Variants in RASSF5 observed in about 807,000 individuals in gnomAD.
RASSF5 encodes the protein Ras association domain family member 5.
Under a neutral mutation model 40.5 loss-of-function variants are expected in RASSF5, and 25 were observed. The ratio of observed to expected loss-of-function variants is 0.62; its 90% CI spans 0.45 to 0.86. The LOEUF is 0.86. Ranked by LOEUF, RASSF5 falls within the 40% of genes least tolerant of loss-of-function variation. RASSF5 has a pLI of 0.00. For missense variants in RASSF5, 521 were observed against 572.8 expected (o/e 0.91, Z 0.92); for synonymous variants, 246 against 252.4 (o/e 0.97, Z 0.24).
intron 1 of RASSF5, among the ~76,000 whole-genome samples, chr1:206,509,681 G>A (rs1553394359): frequency 6.6e-6 from 1 of 152,034 alleles, no homozygotes; most frequent in African/African-American, 2.4e-5. Flanking sequence ...GACTTTGGGG[G>A]ACTGTATCAC....
At chr1:206,517,450 T>C (rs11583254) in intron 1 of RASSF5, among the ~76,000 whole-genome samples, 79,323 of 151,892 alleles carry the variant, frequency 0.52, 20,833 homozygotes, top group South Asian at 0.67. Context: ...CCAACCTGGA[T>C]GACAGAGCAA....
chr1:206,557,951 G>C (rs528312102), intron 2 of RASSF5, among the ~76,000 whole-genome samples: 110 of 152,344 alleles, frequency 7.2e-4, no homozygotes, highest in Non-Finnish European at 9.4e-4. Context: ...GCTGCCCCTG[G>C]CTGGTAGATT....
At chr1:206,518,310 T>A in intron 1 of RASSF5, 1 of 392,296 alleles carries the variant, frequency 2.5e-6, no homozygotes, top group Non-Finnish European at 4.5e-6. Flanking sequence ...CCCAGGGCCC[T>A]CCCCGGAGCC....
intron 2 of RASSF5, among the ~76,000 whole-genome samples, chr1:206,546,173 A>G (rs1382510084): frequency 3.9e-5 from 5 of 128,520 alleles, no homozygotes; most frequent in Non-Finnish European, 7.7e-5. Context: ...CAGTGACACA[A>G]TCATGGCTCA....
At chr1:206,545,952 GA>G (rs1667672548) in intron 2 of RASSF5, among the ~76,000 whole-genome samples, 1 of 141,104 alleles carries the variant, frequency 7.1e-6, no homozygotes, top group African/African-American at 2.6e-5. Context: ...GATATAGCTA[GA>G]TTTTTTTTTT....
chr1:206,554,217 A>C (rs1667922298), intron 2 of RASSF5, among the ~76,000 whole-genome samples: 1 of 152,174 alleles, frequency 6.6e-6, no homozygotes, highest in Non-Finnish European at 1.5e-5. Context: ...GCTACCCTTC[A>C]ACTGGATAGT....
rs572932619 is a variant in RASSF5, at chr1:206,552,339, A to G, written c.579+14046A>G. ...CTGGTTAAGGATGCTTCTCAGAGTC[A>G]GATGGAAGGTGTGGGAGGTATGGAT... On this transcript the variant is annotated intron_variant, in intron 2 of 5. Transcript: ENST00000579436. This position sits in a 1 kb window ranked among gnomAD's most constrained non-coding sequence, Gnocchi z 4.1. Among the ~76,000 whole-genome samples the G allele has an allele frequency of 1.3e-5, 2 of 152,352 alleles. No homozygotes were observed. Among genetic ancestry groups the G allele is most frequent in the African/African-American group, 4.8e-5 (2 of 41,586 alleles).
At chr1:206,561,023 G>A (rs782249272) in intron 2 of RASSF5, among the ~76,000 whole-genome samples, 1 of 152,182 alleles carries the variant, frequency 6.6e-6, no homozygotes, top group East Asian at 1.9e-4. Flanking sequence ...GGCCATTTAA[G>A]GCTTTGACAT....
At chr1:206,546,014 G>T (rs1162303660) in intron 2 of RASSF5, among the ~76,000 whole-genome samples, 1 of 143,432 alleles carries the variant, frequency 7.0e-6, no homozygotes. Flanking sequence ...GCAGTGGCGC[G>T]ATCTCGGCTC....
intron 1 of RASSF5, among the ~76,000 whole-genome samples, chr1:206,534,164 C>T (rs1278287635): frequency 1.2e-4 from 19 of 152,192 alleles, no homozygotes; most frequent in African/African-American, 4.6e-4. Flanking sequence ...CTTGGCCCTC[C>T]ATCCCAGCTC....
At chr1:206,534,861 G>C (rs962333823) in intron 1 of RASSF5, among the ~76,000 whole-genome samples, 10 of 152,168 alleles carry the variant, frequency 6.6e-5, no homozygotes, top group Non-Finnish European at 1.5e-4. Flanking sequence ...AGCTGCCCAG[G>C]GAGGGCTGAA....
intron 2 of RASSF5, among the ~76,000 whole-genome samples, chr1:206,549,438 C>A (rs142221397): frequency 2.6e-5 from 4 of 152,296 alleles, no homozygotes; most frequent in African/African-American, 9.6e-5. Flanking sequence ...CTGCCTGAGA[C>A]ACCAGAATTA....
Position 206,507,828 on chromosome 1 carries a change from G to C in RASSF5, c.226G>C (p.Ala76Pro). ...ARGNLEPPPRASRPARPLRPG... is the reference protein window; with the variant it reads ...ARGNLEPPPRPSRPARPLRPG... ...GGGGAACCTGGAGCCCCCGCCCCGG[G>C]CCTCCCGACCCGCTCGCCCGCTCCG... Residue 76 changes from alanine to proline, a missense_variant, in exon 1 of 6, where the codon GCC becomes CCC. Physicochemically the swap from Ala to Pro is conservative, Grantham distance 27 (BLOSUM62 -1). Coordinates refer to ENST00000579436, the MANE Select transcript of RASSF5 (RefSeq NM_182663.4). 1.4e-6 allele frequency: 2 copies of C among 1,422,966 alleles called. No individual in the cohort carries two copies. Among genetic ancestry groups the C allele is most frequent in the Non-Finnish European group, 1.8e-6 (2 of 1,095,692 alleles). 88.1% of individuals were successfully genotyped at this position (1,422,966 alleles called of 1,614,324 possible). A position where few individuals can be genotyped will look rare whatever the true frequency, so the allele number is the denominator to read the frequency against.
In RASSF5 at chr1:206,579,480, C is replaced by T. The variant is rs1287488760; in HGVS notation, c.580-3789C>T. Among the ~76,000 whole-genome samples, 1 of 152,118 alleles carries T rather than the reference C, an allele frequency of 6.6e-6. No homozygotes were observed. Among genetic ancestry groups the T allele is most frequent in the Non-Finnish European group, 1.5e-5 (1 of 68,018 alleles). ...TATCCTCTGAAGATTGCTATAGTAT[C>T]GATCTCGCTCTCATGGCAGATAGTG... On this transcript the variant is annotated intron_variant, in intron 2 of 5. Transcript: ENST00000579436. This position sits in a 1 kb window ranked among gnomAD's most constrained non-coding sequence, Gnocchi z 4.2.
chr1:206,584,976 G>A lies in RASSF5; in HGVS notation c.989-204G>A. ...TAATCTTTCAGGAGATGATGTGAAT[G>A]GAATCATGCTTTAAACTCTGAGCAG... On this transcript the variant is annotated intron_variant, in intron 4 of 5. Transcript: ENST00000579436. The surrounding 1 kb of genome is among the most constrained non-coding windows in gnomAD (Gnocchi z 4.9). 1.6e-6 allele frequency: 1 copy of A among 608,568 alleles called. No individual in the cohort carries two copies. The highest frequency in any genetic ancestry group is 2.9e-6 in the Non-Finnish European group (1 of 343,240). The allele number at this position is 608,568 out of a possible 1,614,324, so 37.7% of individuals were successfully genotyped here. A position where few individuals can be genotyped will look rare whatever the true frequency, so the allele number is the denominator to read the frequency against.
chr1:206,573,257 T>G (rs1668514742), intron 2 of RASSF5, among the ~76,000 whole-genome samples: 1 of 152,138 alleles, frequency 6.6e-6, no homozygotes, highest in Non-Finnish European at 1.5e-5. Context: ...TTTTTTACCT[T>G]CACATCAATC....
intron 2 of RASSF5, among the ~76,000 whole-genome samples, chr1:206,550,721 C>T (rs1241302607): frequency 1.3e-5 from 2 of 152,188 alleles, no homozygotes; most frequent in East Asian, 1.9e-4. Context: ...CATAGTTTCC[C>T]TTGCCCCTAT....
At chr1:206,525,682 C>T (rs191469444) in intron 1 of RASSF5, among the ~76,000 whole-genome samples, 53 of 152,284 alleles carry the variant, frequency 3.5e-4, no homozygotes, top group Admixed American at 3.1e-3. Context: ...AAATTTCTGG[C>T]CTCAAGCAAT....
At chr1:206,568,650 GAGAGAGCTCCCGC>G (rs1416385802) in intron 2 of RASSF5, among the ~76,000 whole-genome samples, 2 of 152,168 alleles carry the variant, frequency 1.3e-5, no homozygotes, top group African/African-American at 4.8e-5. Flanking sequence ...TATGGAGGTG[GAGAGAGCTCCCGC>G]AGTCACCCGG....
Sources: allele counts gnomAD v4.1 joint callset (sites outside exome capture counted in the v4.1 genomes callset), GRCh38; gene constraint gnomAD v4.1.1; non-coding constraint Gnocchi (gnomAD v3.1); transcripts MANE v1.5; gene names NCBI Gene and HGNC (gene_info 2026-07-23, HGNC 2026-07-21).